Variants in GOPC observed in about 807,000 individuals in gnomAD.
GOPC encodes the protein Golgi-associated PDZ and coiled-coil motif-containing protein.
In GOPC, 32 loss-of-function variants were observed where a neutral mutation model predicts 51.2. The ratio of observed to expected loss-of-function variants is 0.63; its 90% CI spans 0.47 to 0.84. The LOEUF (loss-of-function observed/expected upper bound fraction) is 0.84, where lower values mean the gene tolerates loss of function less well. Ranked by LOEUF, GOPC falls within the 40% of genes least tolerant of loss-of-function variation. The pLI, the probability that GOPC is intolerant of heterozygous loss-of-function variation, is 0.00. For missense variants in GOPC, 441 were observed against 555.5 expected (o/e 0.79, Z 2.07); for synonymous variants, 190 against 205.1 (o/e 0.93, Z 0.63).
At chr6:117,564,145 A>C (rs1435307059) in intron 8 of GOPC, among the ~76,000 whole-genome samples, 1 of 151,810 alleles carries the variant, frequency 6.6e-6, no homozygotes, top group Non-Finnish European at 1.5e-5. Flanking sequence ...GTCCAGCTAT[A>C]TTTTAAAAAT....
intron 1 of GOPC, 130 bp downstream of exon 1, chr6:117,601,874 C>G: frequency 3.9e-6 from 4 of 1,013,724 alleles, no homozygotes; most frequent in South Asian, 1.6e-5. Context: ...CTCAGACATG[C>G]ACTCTCCCAT....
rs1181473292 is a variant in GOPC at position 117,562,321 on chromosome 6, G to A, written c.*933C>T. On this transcript the variant is annotated 3_prime_UTR_variant, in exon 9 of 9. Coordinates refer to ENST00000368498, the MANE Select transcript of GOPC (RefSeq NM_020399.4). ...AAGAAAACTGCCGTTTGATTTGAAT[G>A]TACTGTGTTTCATGACATAGTAATA... is the stretch of plus-strand genomic sequence containing the variant. The A allele has an allele frequency of 2.0e-5, 4 of 202,094 alleles. No individual in the cohort carries two copies. Among genetic ancestry groups the A allele is most frequent in the Non-Finnish European group, 4.1e-5 (4 of 98,344 alleles). 12.5% of individuals were successfully genotyped at this position (202,094 alleles called of 1,614,324 possible). A position where few individuals can be genotyped will look rare whatever the true frequency, so the allele number is the denominator to read the frequency against.
In GOPC at chr6:117,573,636, C is replaced by CA. The variant is rs1167965728; in HGVS notation, c.651-5dup. Reference sequence around the variant, plus strand: ...TAGCAATTGTATCTGTTGGACCCTTCATATTGGGAAAAGAGTACATTGATT... The same window carrying CA: ...TAGCAATTGTATCTGTTGGACCCTTCAATATTGGGAAAAGAGTACATTGATT... On this transcript the variant is annotated splice_region_variant and splice_polypyrimidine_tract_variant and intron_variant, in intron 4 of 8. Transcript: ENST00000368498. 1.9e-6 allele frequency: 3 copies of CA among 1,602,944 alleles called. No homozygotes were observed. The highest frequency in any genetic ancestry group is 3.4e-5 in the Admixed American group (2 of 58,462).
At chr6:117,601,897 C>G (rs1772019620) in intron 1 of GOPC, 107 bp downstream of exon 1, 1 of 1,255,898 alleles carries the variant, frequency 8.0e-7, no homozygotes, top group Non-Finnish European at 1.1e-6. Flanking sequence ...CATTTGAAGC[C>G]CCGGTGGGCA....
intron 3 of GOPC, among the ~76,000 whole-genome samples, chr6:117,577,034 T>C (rs1480655960): frequency 7.2e-6 from 1 of 139,314 alleles, no homozygotes; most frequent in Non-Finnish European, 1.6e-5. Context: ...TGTAACGCAG[T>C]AGATGAAGAA....
intron 8 of GOPC, among the ~76,000 whole-genome samples, chr6:117,563,889 A>G (rs924564008): frequency 1.4e-4 from 21 of 152,090 alleles, no homozygotes; most frequent in African/African-American, 5.1e-4. Flanking sequence ...TATGGCAGGT[A>G]TCAAATATTG....
Position 117,602,353 on chromosome 6 carries a change from T to C in GOPC, c.-65A>G. 6.8e-7 allele frequency: 1 copy of C among 1,462,478 alleles called. No homozygotes were observed. Among genetic ancestry groups the C allele is most frequent in the Non-Finnish European group, 9.0e-7 (1 of 1,111,182 alleles). The allele number at this position is 1,462,478 out of a possible 1,614,324, so 90.6% of individuals were successfully genotyped here. A position where few individuals can be genotyped will look rare whatever the true frequency, so the allele number is the denominator to read the frequency against. On this transcript the variant is annotated 5_prime_UTR_variant, in exon 1 of 9. Coordinates refer to ENST00000368498, the MANE Select transcript of GOPC (RefSeq NM_020399.4). The stretch of plus-strand genomic sequence containing the variant: ...GCCGCCCCCCGCGCACGAAGGGAAC[T>C]GCTGGGACTGAGGGGACCCCCGCGC...
chr6:117,578,151 A>T (rs1219489594), intron 2 of GOPC, among the ~76,000 whole-genome samples: 1 of 152,110 alleles, frequency 6.6e-6, no homozygotes, highest in Non-Finnish European at 1.5e-5. Context: ...AAAAGAAAAG[A>T]ATGTGCTACT....
intron 7 of GOPC, among the ~76,000 whole-genome samples, chr6:117,568,362 A>C (rs566701519): frequency 6.6e-6 from 1 of 152,326 alleles, no homozygotes; most frequent in South Asian, 2.1e-4. Flanking sequence ...GGCATTTTTG[A>C]CTGCTACTCA....
Position 117,602,070 on chromosome 6 carries a change from C to T in GOPC, c.219G>A (p.Leu73=). 1 of 1,614,208 alleles carries T rather than the reference C, an allele frequency of 6.2e-7. No homozygotes were observed. ...TYEGRQKMTS[L]SSCFAQLCHK... is the part of the protein sequence containing the mutation. ...GGCAAAGCTGTGCAAAGCAGGAGCT[C>T]AGGCTGGTCATCTTCTGTCGCCCCT... The change falls in exon 1 of 9, where the codon CTG becomes CTA. Residue 73 remains leucine (L), a synonymous_variant. Coordinates refer to ENST00000368498, the MANE Select transcript of GOPC (RefSeq NM_020399.4).
intron 3 of GOPC, among the ~76,000 whole-genome samples, chr6:117,577,101 T>C (rs1779894487): frequency 6.6e-6 from 1 of 151,738 alleles, no homozygotes; most frequent in South Asian, 2.1e-4. Context: ...CTTAAGGGGG[T>C]TAAAAACTAA....
At chr6:117,582,553 T>C (rs186988813) in intron 1 of GOPC, among the ~76,000 whole-genome samples, 101 of 151,222 alleles carry the variant, frequency 6.7e-4, no homozygotes, top group Non-Finnish European at 1.2e-3. Context: ...ACTCAGCCAG[T>C]AGAGAGGAGA....
chr6:117,602,369 ACC>A lies in GOPC; in HGVS notation c.-83_-82del. The A allele has an allele frequency of 7.2e-7, 1 of 1,397,062 alleles. No individual in the cohort carries two copies. The highest frequency in any genetic ancestry group is 9.4e-7 in the Non-Finnish European group (1 of 1,062,906). The allele number at this position is 1,397,062 out of a possible 1,614,324, so 86.5% of individuals were successfully genotyped here. On this transcript the variant is annotated 5_prime_UTR_variant, in exon 1 of 9. Coordinates refer to ENST00000368498, the MANE Select transcript of GOPC (RefSeq NM_020399.4). ...GAAGGGAACTGCTGGGACTGAGGGG[ACC>A]CCCGCGCGCGCGGGCACACTCCGTC... is the stretch of plus-strand genomic sequence containing the variant.
At chr6:117,588,347 C>A (rs9387489) in intron 1 of GOPC, among the ~76,000 whole-genome samples, 33,637 of 151,748 alleles carry the variant, frequency 0.22, 3,970 homozygotes, top group East Asian at 0.41. Flanking sequence ...ATGATCTTGG[C>A]TCACTGCAAC....
rs545306476 is a variant in GOPC at position 117,577,448 on chromosome 6, C to A, written c.474G>T (p.Leu158=). 6.7e-5 allele frequency: 108 copies of A among 1,605,128 alleles called. No homozygotes were observed. The highest frequency in any genetic ancestry group is 8.9e-5 in the Non-Finnish European group (105 of 1,175,928). The change falls in exon 3 of 9, where the codon CTG becomes CTT. Residue 158 remains leucine, a splice_region_variant and synonymous_variant. Transcript: ENST00000368498. Reference sequence around the variant, plus strand: ...AGCAAAACAGAAACAATATACTTACCAGCTCCTCCACAGAGGGGCCAGACT... The same window carrying A: ...AGCAAAACAGAAACAATATACTTACAAGCTCCTCCACAGAGGGGCCAGACT... ...AKLSGPSVEE[L]ERELEANKKE... is the part of the protein sequence containing the mutation.
intron 1 of GOPC, among the ~76,000 whole-genome samples, chr6:117,590,489 T>C (rs543381309): frequency 6.6e-6 from 1 of 150,668 alleles, no homozygotes; most frequent in Non-Finnish European, 1.5e-5. Context: ...AGAGGATCAC[T>C]TGAGCCCGGG....
At chr6:117,569,511 G>T in intron 7 of GOPC, 61 bp downstream of exon 7, 1 of 1,585,438 alleles carries the variant, frequency 6.3e-7, no homozygotes, top group Non-Finnish European at 8.6e-7. Flanking sequence ...GAAGTATACA[G>T]TGTTCAATAG....
At chr6:117,601,546 C>T (rs908684537) in intron 1 of GOPC, among the ~76,000 whole-genome samples, 1 of 152,154 alleles carries the variant, frequency 6.6e-6, no homozygotes, top group Non-Finnish European at 1.5e-5. Context: ...ATAGTTTATG[C>T]ATGTCTCTGT....
chr6:117,578,692 A>T (rs574042601), intron 2 of GOPC, among the ~76,000 whole-genome samples: 4 of 152,176 alleles, frequency 2.6e-5, no homozygotes, highest in Admixed American at 2.0e-4. Flanking sequence ...AATAGGAAAA[A>T]TTCTATCAGT....
Sources: gnomAD v4.1 joint callset for allele counts (sites outside exome capture counted in the v4.1 genomes callset) on GRCh38, gnomAD v4.1.1 for gene constraint, MANE v1.5 for transcripts, NCBI Gene and HGNC (gene_info 2026-07-23, HGNC 2026-07-21) for gene names.